Variants in ANKH observed in about 807,000 individuals in gnomAD.
The protein encoded by ANKH is mineralization regulator ANKH.
In ANKH, 15 loss-of-function variants were observed where a neutral mutation model predicts 49.0. The ratio of observed to expected loss-of-function variants is 0.31; its 90% CI spans 0.20 to 0.47. The LOEUF (loss-of-function observed/expected upper bound fraction) is 0.47. ANKH is among the 20% of genes least tolerant of loss of function. The pLI is 1.00. For missense variants in ANKH, 429 were observed against 652.0 expected (o/e 0.66, Z 3.72); for synonymous variants, 273 against 260.0 (o/e 1.05, Z -0.48).
In ANKH at chr5:14,797,817, CTAAG is replaced by C. The variant is rs1458716300; in HGVS notation, c.97-28630_97-28627del. 247 of 1,611,348 alleles carry C rather than the reference CTAAG, an allele frequency of 1.5e-4. 2 individuals are homozygous for C. Among genetic ancestry groups the C allele is most frequent in the Middle Eastern group, 2.2e-4 (1 of 4,466 alleles). ...GCAGATGGTGTGGTCATCTGAAGCA[CTAAG>C]TAAGTGCCCACTGAGATTTAGGTTC... is the stretch of plus-strand genomic sequence containing the variant. On this transcript the variant is annotated intron_variant, in intron 1 of 11. Transcript: ENST00000284268.
chr5:14,794,495 T>A (rs1419427341), intron 1 of ANKH, among the ~76,000 whole-genome samples: 5 of 152,234 alleles, frequency 3.3e-5, no homozygotes, highest in Non-Finnish European at 7.3e-5. Flanking sequence ...TTCTTTCGTA[T>A]CCTAATTATC....
At chr5:14,779,035 C>A (rs918893261) in intron 1 of ANKH, among the ~76,000 whole-genome samples, 6 of 152,324 alleles carry the variant, frequency 3.9e-5, no homozygotes, top group Middle Eastern at 3.4e-3. Flanking sequence ...TCTTATCCAT[C>A]TGGAATGTGG....
At chr5:14,861,847 C>G (rs556645352) in intron 1 of ANKH, among the ~76,000 whole-genome samples, 1 of 152,342 alleles carries the variant, frequency 6.6e-6, no homozygotes, top group South Asian at 2.1e-4. Flanking sequence ...TGTAGACTGT[C>G]TTTTGATAAC....
chr5:14,870,259 T>G (rs1307363827), intron 1 of ANKH: 1 of 152,150 alleles, frequency 6.6e-6, no homozygotes, highest in Non-Finnish European at 1.5e-5. Flanking sequence ...GAGTTGCAAT[T>G]ATTCAAAAGT....
intron 1 of ANKH, among the ~76,000 whole-genome samples, chr5:14,813,212 G>C (rs1740937908): frequency 1.3e-5 from 2 of 151,494 alleles, no homozygotes; most frequent in Admixed American, 1.3e-4. Flanking sequence ...CTGCACCTCA[G>C]CCTGGGCAAT....
chr5:14,848,888 C>T (rs61169618), intron 1 of ANKH, among the ~76,000 whole-genome samples: 53,406 of 152,078 alleles, frequency 0.35, 9,416 homozygotes, highest in Admixed American at 0.4. Context: ...CCACCGGTAA[C>T]AGCAATGTTT....
chr5:14,761,218 T>C (rs1009473570), intron 2 of ANKH, among the ~76,000 whole-genome samples: 1 of 152,170 alleles, frequency 6.6e-6, no homozygotes, highest in African/African-American at 2.4e-5. Flanking sequence ...TGCAACACCT[T>C]GACCTCGGAC....
rs144262620 is a variant in ANKH, at chr5:14,864,979, G to A, written c.96+6373C>T. On this transcript the variant is annotated intron_variant, in intron 1 of 11. Transcript: ENST00000284268. ...AATTATGTTATAAAAATAAATCGGC[G>A]GCCAGGCGTGGTGGCTCACGCCTGT... Among the ~76,000 whole-genome samples the A allele has an allele frequency of 2.3e-3, 349 of 152,054 alleles. 3 individuals are homozygous for A. The highest frequency in any genetic ancestry group is 7.7e-3 in the African/African-American group (320 of 41,502).
chr5:14,731,899 C>T (rs1433158806), intron 8 of ANKH, among the ~76,000 whole-genome samples: 1 of 152,180 alleles, frequency 6.6e-6, no homozygotes, highest in East Asian at 1.9e-4. Context: ...GACAGGGCAA[C>T]GTGGGGAGAG....
intron 1 of ANKH, among the ~76,000 whole-genome samples, chr5:14,840,384 T>C (rs1486517195): frequency 1.3e-5 from 2 of 152,186 alleles, no homozygotes; most frequent in Non-Finnish European, 2.9e-5. Flanking sequence ...CAAAACCAAA[T>C]TAAGTTGTTT....
intron 1 of ANKH, among the ~76,000 whole-genome samples, chr5:14,787,119 GCCTAACCAA>G (rs958901291): frequency 1.3e-5 from 2 of 152,088 alleles, no homozygotes; most frequent in African/African-American, 2.4e-5. Context: ...TTCAAGACCA[GCCTAACCAA>G]CATGGTGAAA....
chr5:14,853,470 GGGTGGCTGA>G (rs1172381124), intron 1 of ANKH, among the ~76,000 whole-genome samples: 2 of 152,106 alleles, frequency 1.3e-5, no homozygotes, highest in Non-Finnish European at 2.9e-5. Flanking sequence ...ACAGCTACTC[GGGTGGCTGA>G]GGTGAGAGGA....
chr5:14,779,487 A>T (rs1739740261), intron 1 of ANKH, among the ~76,000 whole-genome samples: 1 of 152,182 alleles, frequency 6.6e-6, no homozygotes, highest in Non-Finnish European at 1.5e-5. Context: ...TGCTTACCTG[A>T]CTGCCCATAT....
At chr5:14,866,744 C>T (rs1229951156) in intron 1 of ANKH, among the ~76,000 whole-genome samples, 1 of 152,136 alleles carries the variant, frequency 6.6e-6, no homozygotes, top group Non-Finnish European at 1.5e-5. Flanking sequence ...CTATGCCAAC[C>T]TTGTTAAAAT....
rs1309191467 is a variant in ANKH, at chr5:14,749,280, C to G, written c.714G>C (p.Leu238=). Residue 238 remains leucine, a synonymous_variant, in exon 6 of 12, where the codon CTG becomes CTC. Transcript: ENST00000284268. ...LGGDATIRKM[L]SFWWPLALIL... ...TTAGAGCCAAAGGCCACCAGAAGCT[C>G]AGCATCTTTCTTATTGTTGCATCTC... 28 of 1,614,222 alleles carry G rather than the reference C, an allele frequency of 1.7e-5. No homozygotes were observed. Among genetic ancestry groups the G allele is most frequent in the Non-Finnish European group, 2.2e-5 (26 of 1,180,036 alleles).
intron 1 of ANKH, among the ~76,000 whole-genome samples, chr5:14,830,556 T>C (rs1741477726): frequency 6.6e-6 from 1 of 151,894 alleles, no homozygotes. Context: ...TGTGTGAGTG[T>C]GTGCAGACTT....
chr5:14,710,958 A>T lies in ANKH; in HGVS notation c.*239T>A, dbSNP rs1412893615. ...TGGGTTTTCGTGAGGCAGGGGTATG[A>T]AGTCAGTTGTTTCGTTTGTTTTTAC... On this transcript the variant is annotated 3_prime_UTR_variant, in exon 12 of 12. Transcript: ENST00000284268. The T allele has an allele frequency of 4.0e-6, 2 of 505,036 alleles. No individual in the cohort carries two copies. Among genetic ancestry groups the T allele is most frequent in the Non-Finnish European group, 7.2e-6 (2 of 276,708 alleles). The allele number at this position is 505,036 out of a possible 1,614,324, so 31.3% of individuals were successfully genotyped here. A position where few individuals can be genotyped will look rare whatever the true frequency, so the allele number is the denominator to read the frequency against.
chr5:14,859,091 T>C (rs1422820790), intron 1 of ANKH, among the ~76,000 whole-genome samples: 2 of 152,200 alleles, frequency 1.3e-5, no homozygotes, highest in African/African-American at 4.8e-5. Flanking sequence ...ATTAAGTATC[T>C]GCACATCATT....
At chr5:14,812,207 G>C (rs865860659) in intron 1 of ANKH, among the ~76,000 whole-genome samples, 100 of 149,658 alleles carry the variant, frequency 6.7e-4, no homozygotes, top group African/African-American at 2.3e-3. Context: ...AAGGGTTAAT[G>C]CTTTCTCAAA....
Sources: gnomAD v4.1 joint callset for allele counts (sites outside exome capture counted in the v4.1 genomes callset) on GRCh38, gnomAD v4.1.1 for gene constraint, MANE v1.5 for transcripts, NCBI Gene and HGNC (gene_info 2026-07-23, HGNC 2026-07-21) for gene names.